The following TBCA variants were observed in gnomAD, a reference collection of about 807,000 sequenced individuals.
The protein encoded by TBCA is tubulin folding cofactor A, also known as tubulin-specific chaperone A.
In TBCA, 6 loss-of-function variants were observed where a neutral mutation model predicts 15.8. The ratio of observed to expected loss-of-function variants is 0.38; its 90% CI spans 0.21 to 0.75. The LOEUF (loss-of-function observed/expected upper bound fraction) is 0.75. TBCA is among the 30% of genes least tolerant of loss of function. The pLI is 0.46. For synonymous variants in TBCA, 32 were observed against 42.3 expected, an observed-to-expected ratio of 0.76 and a Z score of 0.94; for missense variants, 90 against 131.2, an observed-to-expected ratio of 0.69 and a Z score of 1.53.
At chr5:77,750,496 C>T (rs1271099977) in intron 1 of TBCA, among the ~76,000 whole-genome samples, 1 of 152,088 alleles carries the variant, frequency 6.6e-6, no homozygotes, top group African/African-American at 2.4e-5. Context: ...AAGCAAGAAT[C>T]AGAGAGCAGA....
At chr5:77,729,953 T>C (rs1746727014) in intron 1 of TBCA, among the ~76,000 whole-genome samples, 1 of 152,242 alleles carries the variant, frequency 6.6e-6, no homozygotes, top group Non-Finnish European at 1.5e-5. Flanking sequence ...AGATTAAATA[T>C]TATTTTCAGT....
At chr5:77,776,057 T>C in intron 1 of TBCA, 148 bp downstream of exon 1, 3 of 957,976 alleles carry the variant, frequency 3.1e-6, no homozygotes, top group Middle Eastern at 3.3e-4. Context: ...GCTGGGTCCC[T>C]GCCAGTCCCA....
At chr5:77,705,784 T>A (rs1746136282) in intron 2 of TBCA, 1 of 391,458 alleles carries the variant, frequency 2.6e-6, no homozygotes, top group African/African-American at 2.1e-5. Flanking sequence ...TGAGCTAGGA[T>A]CACACCACCG....
chr5:77,776,118 C>T (rs1748020040), intron 1 of TBCA, 87 bp downstream of exon 1: 23 of 1,503,008 alleles, frequency 1.5e-5, no homozygotes, highest in Middle Eastern at 2.3e-4. Flanking sequence ...CCGCCTCGGG[C>T]CTCCTCGGGC....
intron 1 of TBCA, among the ~76,000 whole-genome samples, chr5:77,741,479 G>A (rs1747030128): frequency 1.3e-5 from 2 of 152,098 alleles, no homozygotes; most frequent in African/African-American, 2.4e-5. Context: ...AGGTTTGATG[G>A]TGCGTGGGGC....
At chr5:77,715,550 T>A (rs1746378102) in intron 1 of TBCA, among the ~76,000 whole-genome samples, 1 of 152,116 alleles carries the variant, frequency 6.6e-6, no homozygotes, top group South Asian at 2.1e-4. Flanking sequence ...TCCAGGAACC[T>A]CATCCCCCTG....
chr5:77,758,856 T>C (rs983359430), intron 1 of TBCA, among the ~76,000 whole-genome samples: 1 of 152,244 alleles, frequency 6.6e-6, no homozygotes, highest in Non-Finnish European at 1.5e-5. Flanking sequence ...TAACATTTTA[T>C]TGGAGACTGA....
chr5:77,747,544 C>A, intron 1 of TBCA, among the ~76,000 whole-genome samples: 1 of 152,010 alleles, frequency 6.6e-6, no homozygotes, highest in East Asian at 1.9e-4. Context: ...GCTTAGAAAA[C>A]AAATATAGAA....
At position 77,692,303 on chromosome 5, in the gene TBCA, T is replaced by C. The variant is rs1745769126; in HGVS notation, c.247-805A>G. ...GACTGAGAATTTGCTTAGCTCAAACTATACGTAAGAATTTCTTAAACCTCC... is the reference window on the plus strand; with the variant it reads ...GACTGAGAATTTGCTTAGCTCAAACCATACGTAAGAATTTCTTAAACCTCC... On this transcript the variant is annotated intron_variant, in intron 3 of 3. Coordinates refer to ENST00000380377, the MANE Select transcript of TBCA (RefSeq NM_004607.3). 22 of 985,430 alleles carry C rather than the reference T, an allele frequency of 2.2e-5. No homozygotes were observed. In the South Asian group the frequency reaches 8.5e-4, roughly 38 times the overall value. The allele number at this position is 985,430 out of a possible 1,614,324, so 61.0% of individuals were successfully genotyped here.
At chr5:77,703,731 C>T (rs1367913113) in intron 2 of TBCA, among the ~76,000 whole-genome samples, 1 of 152,066 alleles carries the variant, frequency 6.6e-6, no homozygotes, top group Non-Finnish European at 1.5e-5. Flanking sequence ...GTGCACACCA[C>T]CACACCCAGC....
intron 1 of TBCA, among the ~76,000 whole-genome samples, chr5:77,709,719 A>G (rs909065088): frequency 6.6e-6 from 1 of 152,194 alleles, no homozygotes; most frequent in Admixed American, 6.5e-5. Flanking sequence ...GCCCACAGAA[A>G]ACATGTCTAT....
At chr5:77,758,247 G>GCGGC (rs1326760877) in intron 1 of TBCA, among the ~76,000 whole-genome samples, 5 of 149,886 alleles carry the variant, frequency 3.3e-5, no homozygotes, top group Admixed American at 3.3e-4. Flanking sequence ...TCAAAGACAG[G>GCGGC]CGGCCTGGCA....
chr5:77,727,239 G>GAAAAAAA (rs35477479), intron 1 of TBCA, among the ~76,000 whole-genome samples: 48 of 80,944 alleles, frequency 5.9e-4, no homozygotes, highest in Non-Finnish European at 9.5e-4. Flanking sequence ...TCTGTCTCAG[G>GAAAAAAA]AAAAAAAAAA....
At chr5:77,718,494 C>CTA (rs1746455538) in intron 1 of TBCA, among the ~76,000 whole-genome samples, 1 of 152,152 alleles carries the variant, frequency 6.6e-6, no homozygotes, top group Non-Finnish European at 1.5e-5. Flanking sequence ...AGAATTCTCA[C>CTA]TAGTTCCTTA....
At chr5:77,759,952 A>G (rs1459714006) in intron 1 of TBCA, among the ~76,000 whole-genome samples, 1 of 152,206 alleles carries the variant, frequency 6.6e-6, no homozygotes, top group African/African-American at 2.4e-5. Context: ...ACCTCCTAAG[A>G]GCTAAGATGA....
intron 1 of TBCA, among the ~76,000 whole-genome samples, chr5:77,752,881 G>T (rs1189893645): frequency 6.6e-6 from 1 of 152,040 alleles, no homozygotes; most frequent in Non-Finnish European, 1.5e-5. Flanking sequence ...TAATAGAGAC[G>T]GAGTTTCACC....
chr5:77,720,902 G>A (rs959802203), intron 1 of TBCA, among the ~76,000 whole-genome samples: 1 of 152,132 alleles, frequency 6.6e-6, no homozygotes, highest in African/African-American at 2.4e-5. Context: ...GCATCTGAAA[G>A]AGGATGCTGG....
intron 1 of TBCA, among the ~76,000 whole-genome samples, chr5:77,750,517 T>A (rs1747299413): frequency 6.6e-6 from 1 of 152,182 alleles, no homozygotes; most frequent in African/African-American, 2.4e-5. Context: ...CTTCTGATAA[T>A]CTCAGTTTTC....
intron 1 of TBCA, among the ~76,000 whole-genome samples, chr5:77,720,574 C>T (rs541674213): frequency 2.6e-5 from 4 of 152,062 alleles, no homozygotes; most frequent in East Asian, 3.9e-4. Flanking sequence ...ATTAGCCAGG[C>T]GTGGTGGCGG....
Sources: gnomAD v4.1 joint callset for allele counts (sites outside exome capture counted in the v4.1 genomes callset) on GRCh38, gnomAD v4.1.1 for gene constraint, MANE v1.5 for transcripts, NCBI Gene and HGNC (gene_info 2026-07-23, HGNC 2026-07-21) for gene names.